The following TMPRSS11F variants were observed in gnomAD, a reference collection of about 807,000 sequenced individuals.
TMPRSS11F encodes transmembrane serine protease 11F.
In TMPRSS11F, 47 loss-of-function variants were observed where a neutral mutation model predicts 60.2. That is an observed-to-expected ratio of 0.78 (90% CI 0.62 to 1.00). The LOEUF is 1.00. Ranked by LOEUF, TMPRSS11F falls within the 50% of genes least tolerant of loss-of-function variation. TMPRSS11F has a pLI of 0.00. For synonymous variants in TMPRSS11F, 166 were observed against 167.3 expected, an observed-to-expected ratio of 0.99 and a Z score of 0.06; for missense variants, 519 against 522.9, an observed-to-expected ratio of 0.99 and a Z score of 0.07.
Position 68,053,802 on chromosome 4 carries a change from T to C in TMPRSS11F, c.*107A>G. ...ATTTGTCTGGGTCTGAAGGGCTTCT[T>C]GACATCTAGCAAAAGCACTAATCCA... is the stretch of plus-strand genomic sequence containing the variant. On this transcript the variant is annotated 3_prime_UTR_variant, in exon 10 of 10. Transcript: ENST00000356291. 8.4e-7 allele frequency: 1 copy of C among 1,189,988 alleles called. No individual in the cohort carries two copies. The highest frequency in any genetic ancestry group is 1.2e-6 in the Non-Finnish European group (1 of 844,402). 73.7% of individuals were successfully genotyped at this position (1,189,988 alleles called of 1,614,324 possible).
intron 1 of TMPRSS11F, among the ~76,000 whole-genome samples, chr4:68,112,090 C>T (rs555823722): frequency 1.3e-5 from 2 of 152,260 alleles, no homozygotes; most frequent in South Asian, 4.1e-4. Flanking sequence ...CTCTTCTGCT[C>T]AAATGTCTTC....
intron 8 of TMPRSS11F, 76 bp downstream of exon 8, chr4:68,064,609 G>A (rs1723281243): frequency 6.8e-7 from 1 of 1,479,048 alleles, no homozygotes; most frequent in Non-Finnish European, 9.2e-7. Flanking sequence ...AAGCTTAAGA[G>A]GGATTCTTTA....
intron 2 of TMPRSS11F, among the ~76,000 whole-genome samples, chr4:68,091,767 C>A (rs1017341880): frequency 3.8e-5 from 2 of 52,562 alleles, no homozygotes; most frequent in African/African-American, 8.1e-5. Flanking sequence ...CTCTCTCTCT[C>A]TCTCTCTCTC....
intron 8 of TMPRSS11F, chr4:68,062,367 T>C (rs541320320): frequency 6.0e-6 from 3 of 498,218 alleles, no homozygotes; most frequent in Non-Finnish European, 7.8e-6. Flanking sequence ...CAGATACACA[T>C]ATTTTCTTCA....
chr4:68,058,135 G>A (rs371456301), intron 9 of TMPRSS11F, among the ~76,000 whole-genome samples: 1 of 152,070 alleles, frequency 6.6e-6, no homozygotes, highest in Non-Finnish European at 1.5e-5. Flanking sequence ...CAGTGAGAAG[G>A]AATAAGTTTT....
intron 2 of TMPRSS11F, among the ~76,000 whole-genome samples, chr4:68,097,677 CTTTT>C (rs938642555): frequency 6.6e-6 from 1 of 151,428 alleles, no homozygotes; most frequent in African/African-American, 2.4e-5. Flanking sequence ...GGCTAAAATG[CTTTT>C]TTTGTCATTA....
chr4:68,089,283 C>G (rs917944832), intron 3 of TMPRSS11F, among the ~76,000 whole-genome samples: 4 of 151,978 alleles, frequency 2.6e-5, no homozygotes, highest in Non-Finnish European at 4.4e-5. Flanking sequence ...AGTAAAGGTA[C>G]TTGAGGGCAT....
At chr4:68,087,615 C>T (rs1485771421) in intron 3 of TMPRSS11F, among the ~76,000 whole-genome samples, 1 of 151,656 alleles carries the variant, frequency 6.6e-6, no homozygotes, top group Non-Finnish European at 1.5e-5. Flanking sequence ...GAAACAAAGA[C>T]TTCACAAAAA....
At chr4:68,099,892 A>G (rs774093008) in intron 1 of TMPRSS11F, among the ~76,000 whole-genome samples, 1 of 152,186 alleles carries the variant, frequency 6.6e-6, no homozygotes, top group Non-Finnish European at 1.5e-5. Flanking sequence ...GGAAACAGAC[A>G]TGGAAACAAG....
intron 1 of TMPRSS11F, among the ~76,000 whole-genome samples, chr4:68,114,927 A>T (rs1251672554): frequency 6.6e-6 from 1 of 150,486 alleles, no homozygotes; most frequent in Non-Finnish European, 1.5e-5. Context: ...AAACACTCCT[A>T]TGTGATCATC....
At chr4:68,127,596 T>C (rs1410905799) in intron 1 of TMPRSS11F, among the ~76,000 whole-genome samples, 2 of 152,138 alleles carry the variant, frequency 1.3e-5, no homozygotes, top group Non-Finnish European at 2.9e-5. Context: ...TTTGAAATCA[T>C]AGAATTAAGC....
At chr4:68,095,169 A>G (rs2109868519) in intron 2 of TMPRSS11F, among the ~76,000 whole-genome samples, 1 of 151,330 alleles carries the variant, frequency 6.6e-6, no homozygotes, top group South Asian at 2.1e-4. Context: ...ATAAAAATAT[A>G]TGTATATTAT....
intron 6 of TMPRSS11F, among the ~76,000 whole-genome samples, chr4:68,069,094 A>C (rs1455754587): frequency 6.6e-6 from 1 of 152,188 alleles, no homozygotes; most frequent in African/African-American, 2.4e-5. Context: ...AAATGTATAG[A>C]TCCTCTGCTA....
intron 1 of TMPRSS11F, among the ~76,000 whole-genome samples, chr4:68,118,945 T>A (rs1724574940): frequency 6.6e-6 from 1 of 152,100 alleles, no homozygotes; most frequent in African/African-American, 2.4e-5. Flanking sequence ...AATGAAAAAG[T>A]CATGTTGAAA....
chr4:68,088,201 T>C (rs1317923701), intron 3 of TMPRSS11F, among the ~76,000 whole-genome samples: 1 of 151,750 alleles, frequency 6.6e-6, no homozygotes, highest in Non-Finnish European at 1.5e-5. Context: ...GAGGAAGATC[T>C]ACCAAGCAAA....
rs201699068 is a variant in TMPRSS11F, at chr4:68,056,638, TC to T, written c.1159-2572del. ...TAAAATTATCATTGTTAAAATGCAATCCCTACCAAAATTCCAATGCCATTTC... is the reference window on the plus strand; with the variant it reads ...TAAAATTATCATTGTTAAAATGCAATCCTACCAAAATTCCAATGCCATTTC... On this transcript the variant is annotated intron_variant, in intron 9 of 9. Transcript: ENST00000356291. 1.9e-3 allele frequency among the ~76,000 whole-genome samples: 255 copies of T among 132,848 alleles called. 2 individuals are homozygous for T. Among genetic ancestry groups the T allele is most frequent in the African/African-American group, 6.8e-3 (249 of 36,380 alleles). 87.2% of individuals were successfully genotyped at this position (132,848 alleles called of 152,430 possible). A position where few individuals can be genotyped will look rare whatever the true frequency, so the allele number is the denominator to read the frequency against.
At chr4:68,069,893 C>G in intron 6 of TMPRSS11F, 76 bp downstream of exon 6, 1 of 1,264,146 alleles carries the variant, frequency 7.9e-7, no homozygotes, top group South Asian at 1.6e-5. Flanking sequence ...GTAAACTTTA[C>G]TGCCAACTTT....
chr4:68,090,603 T>C lies in TMPRSS11F; in HGVS notation c.202A>G (p.Thr68Ala). 6.2e-7 allele frequency: 1 copy of C among 1,601,664 alleles called. No individual in the cohort carries two copies. Among genetic ancestry groups the C allele is most frequent in the Non-Finnish European group, 8.5e-7 (1 of 1,172,746 alleles). Reference protein sequence around the residue: ...SFYYLASFKVTNIKYKENYGI... With the variant: ...SFYYLASFKVANIKYKENYGI... ...TAATTTTCTTTATATTTGATATTTG[T>C]GACTTTAAAAGAGGCAAGGTAATAG... The change falls in exon 3 of 10, where the codon ACA becomes GCA. Residue 68 changes from threonine to alanine, a missense_variant. By Grantham distance (58) the Thr-to-Ala change is moderately conservative. Transcript: ENST00000356291.
chr4:68,094,605 G>A (rs1009906145), intron 2 of TMPRSS11F, among the ~76,000 whole-genome samples: 1 of 145,626 alleles, frequency 6.9e-6, no homozygotes, highest in Non-Finnish European at 1.5e-5. Flanking sequence ...TAAAATCAAG[G>A]TATGCTTGGC....
Sources: gnomAD v4.1 joint callset for allele counts (sites outside exome capture counted in the v4.1 genomes callset) on GRCh38, gnomAD v4.1.1 for gene constraint, MANE v1.5 for transcripts, NCBI Gene and HGNC (gene_info 2026-07-23, HGNC 2026-07-21) for gene names.